SORBS2: variants seen among roughly 807,000 people sequenced by gnomAD.
SORBS2 encodes the protein sorbin and SH3 domain-containing protein 2.
SORBS2 carries 46 observed loss-of-function variants against 97.7 expected under a neutral mutation model. The ratio of observed to expected loss-of-function variants is 0.47; its 90% CI spans 0.37 to 0.60. SORBS2 has a LOEUF of 0.60. Ranked by LOEUF, SORBS2 falls within the 20% of genes least tolerant of loss-of-function variation. The probability of loss-of-function intolerance (pLI) is 0.00; values close to 1 mark genes in which losing one functional copy is unlikely to be tolerated. For synonymous variants in SORBS2, 476 were observed against 473.4 expected, an observed-to-expected ratio of 1.01 and a Z score of -0.07; for missense variants, 1,316 against 1,282.3, an observed-to-expected ratio of 1.03 and a Z score of -0.40.
chr4:185,951,304 C>G (rs1282171931), intron 1 of SORBS2, among the ~76,000 whole-genome samples: 1 of 152,182 alleles, frequency 6.6e-6, no homozygotes, highest in African/African-American at 2.4e-5. Flanking sequence ...CGACACAGGA[C>G]CATGCCTCCC....
At chr4:185,616,311 T>G (rs1183749829) in intron 9 of SORBS2, among the ~76,000 whole-genome samples, 2 of 152,220 alleles carry the variant, frequency 1.3e-5, no homozygotes. Flanking sequence ...AAAAGAATGA[T>G]CACACATTTA....
At chr4:185,764,193 A>G (rs1560870505) in intron 2 of SORBS2, among the ~76,000 whole-genome samples, 1 of 152,190 alleles carries the variant, frequency 6.6e-6, no homozygotes, top group Non-Finnish European at 1.5e-5. Context: ...AGCAACTGAG[A>G]GGACTGCTTG....
chr4:185,652,515 AAGG>A lies in SORBS2; in HGVS notation c.91+144_91+146del, dbSNP rs1311758951. 8.9e-6 allele frequency: 6 copies of A among 677,224 alleles called. No individual in the cohort carries two copies. The African/African-American group carries it at 1.1e-4, about 12-fold the overall frequency. The allele number at this position is 677,224 out of a possible 1,614,324, so 42.0% of individuals were successfully genotyped here. A position where few individuals can be genotyped will look rare whatever the true frequency, so the allele number is the denominator to read the frequency against. On this transcript the variant is annotated intron_variant, in intron 2 of 14. Coordinates refer to ENST00000418609, the Ensembl canonical transcript of SORBS2. ...GGATCTGTCACCGGAGGGGTGACAG[AAGG>A]AGAACAGGAGGCATGCTGAAAAGAA...
intron 4 of SORBS2, among the ~76,000 whole-genome samples, chr4:185,663,274 CA>C (rs2097546963): frequency 6.6e-6 from 1 of 152,140 alleles, no homozygotes; most frequent in South Asian, 2.1e-4. Flanking sequence ...TATTTTAAAA[CA>C]AAACAAACTT....
intron 2 of SORBS2, among the ~76,000 whole-genome samples, chr4:185,726,855 A>C (rs2098557402): frequency 6.6e-6 from 1 of 152,214 alleles, no homozygotes; most frequent in South Asian, 2.1e-4. Flanking sequence ...ATGGAGATGC[A>C]TCCGGGAGGA....
intron 4 of SORBS2, chr4:185,665,825 T>C: frequency 5.2e-6 from 6 of 1,148,814 alleles, no homozygotes; most frequent in Non-Finnish European, 6.5e-6. Context: ...CGGCCAGTGG[T>C]GTCAGAGTCA....
chr4:185,693,601 T>C (rs965753065), intron 2 of SORBS2, among the ~76,000 whole-genome samples: 1 of 152,222 alleles, frequency 6.6e-6, no homozygotes, highest in Non-Finnish European at 1.5e-5. Context: ...GACTTCTTCA[T>C]TCCTTTTGAA....
intron 1 of SORBS2, among the ~76,000 whole-genome samples, chr4:185,823,143 A>C (rs976344427): frequency 6.6e-6 from 1 of 152,176 alleles, no homozygotes; most frequent in Non-Finnish European, 1.5e-5. Flanking sequence ...AAGTGGATTC[A>C]GTGATGTGAC....
chr4:185,592,293 C>T (rs73876113), intron 13 of SORBS2, among the ~76,000 whole-genome samples: 1 of 152,186 alleles, frequency 6.6e-6, no homozygotes, highest in Admixed American at 6.5e-5. Flanking sequence ...TAAAATCCCA[C>T]TAATTCAGGC....
chr4:185,779,252 T>G (rs1486573581), intron 1 of SORBS2, among the ~76,000 whole-genome samples: 1 of 152,234 alleles, frequency 6.6e-6, no homozygotes, highest in East Asian at 1.9e-4. Context: ...TACGCGTGGC[T>G]GTGGCTGTAG....
At chr4:185,787,636 TTCTC>T (rs2099062223) in intron 1 of SORBS2, among the ~76,000 whole-genome samples, 1 of 152,194 alleles carries the variant, frequency 6.6e-6, no homozygotes, top group Admixed American at 6.5e-5. Flanking sequence ...GTCTTCTCAT[TTCTC>T]TCTGAGCCTC....
chr4:185,600,635 G>A (rs536810425), intron 12 of SORBS2, among the ~76,000 whole-genome samples: 5 of 152,240 alleles, frequency 3.3e-5, no homozygotes, highest in African/African-American at 1.2e-4. Flanking sequence ...CACTGCGCCC[G>A]GCCAAGAAAT....
In SORBS2 at chr4:185,623,038, A is replaced by G. The variant is rs776199879; in HGVS notation, c.2091T>C (p.Asp697=). Reference sequence around the variant, plus strand: ...GGTAGGGTGGACAATGAATAGCACCATCGGGAGGCAGTGGGTGGAGAGGCT... The same window carrying G: ...GGTAGGGTGGACAATGAATAGCACCGTCGGGAGGCAGTGGGTGGAGAGGCT... The change falls in exon 7 of 15, where the codon GAT becomes GAC. Residue 697 remains aspartate, a synonymous_variant. Transcript: ENST00000418609. This position sits in a 1 kb window ranked among gnomAD's most constrained non-coding sequence, Gnocchi z 6.4. 7 of 1,614,058 alleles carry G rather than the reference A, an allele frequency of 4.3e-6. No individual in the cohort carries two copies. The highest frequency in any genetic ancestry group is 4.2e-6 in the Non-Finnish European group (5 of 1,180,034).
chr4:185,854,379 G>C (rs2099219551), intron 1 of SORBS2, among the ~76,000 whole-genome samples: 1 of 152,166 alleles, frequency 6.6e-6, no homozygotes, highest in African/African-American at 2.4e-5. Context: ...GGGGAAGTAA[G>C]CCTGTCCTCG....
rs28658314 is a variant in SORBS2, at chr4:185,938,430, A to C, written c.-338+17766T>G. The stretch of plus-strand genomic sequence containing the variant: ...CACACACACACACACACACACACAC[A>C]CCCTTTTATTCTAGTTCCATGCTCT... On this transcript the variant is annotated intron_variant, in intron 1 of 20. Coordinates refer to the SORBS2 transcript ENST00000284776. Among the ~76,000 whole-genome samples, 107 of 142,064 alleles carry C rather than the reference A, an allele frequency of 7.5e-4. 1 individual carries two copies. The highest frequency in any genetic ancestry group is 2.4e-3 in the African/African-American group (92 of 38,264). The allele number at this position is 142,064 out of a possible 152,430, so 93.2% of individuals were successfully genotyped here.
intron 2 of SORBS2, among the ~76,000 whole-genome samples, chr4:185,765,679 C>T (rs538113892): frequency 1.3e-5 from 2 of 152,264 alleles, no homozygotes; most frequent in South Asian, 2.1e-4. Flanking sequence ...ATATGAAATA[C>T]ATCCGTTAAT....
At chr4:185,897,805 G>C (rs1304437720) in intron 1 of SORBS2, among the ~76,000 whole-genome samples, 33 of 152,152 alleles carry the variant, frequency 2.2e-4, no homozygotes, top group Admixed American at 2.2e-3. Context: ...GGGAGGCCGA[G>C]GCAGGCAGAT....
intron 5 of SORBS2, among the ~76,000 whole-genome samples, chr4:185,629,117 C>G (rs138905446): frequency 6.6e-6 from 1 of 152,268 alleles, no homozygotes; most frequent in Non-Finnish European, 1.5e-5. Flanking sequence ...CTCAGTTTTA[C>G]AAATGGTAAA....
intron 2 of SORBS2, among the ~76,000 whole-genome samples, chr4:185,747,058 G>A (rs2153593447): frequency 6.6e-6 from 1 of 152,236 alleles, no homozygotes; most frequent in South Asian, 2.1e-4. Context: ...ACTCCAGCCT[G>A]GGCAACAGTG....
Sources: allele counts gnomAD v4.1 joint callset (sites outside exome capture counted in the v4.1 genomes callset), GRCh38; gene constraint gnomAD v4.1.1; non-coding constraint Gnocchi (gnomAD v3.1); transcripts MANE v1.5; gene names NCBI Gene and HGNC (gene_info 2026-07-23, HGNC 2026-07-21).